The following SLC34A1 variants were observed in gnomAD, a reference collection of about 807,000 sequenced individuals.
SLC34A1 encodes sodium-dependent phosphate transport protein 2A.
SLC34A1 carries 57 observed loss-of-function variants against 51.4 expected under a neutral mutation model. The ratio of observed to expected loss-of-function variants is 1.11; its 90% CI spans 0.90 to 1.38. The LOEUF is 1.38. Among genes scored for constraint, SLC34A1 ranks in the 40% most tolerant of loss-of-function variants. The pLI, the probability that SLC34A1 is intolerant of heterozygous loss-of-function variation, is 0.00. For synonymous variants in SLC34A1, 368 were observed against 358.0 expected (o/e 1.03, Z -0.32); for missense variants, 796 against 835.6 (o/e 0.95, Z 0.58).
At chr5:177,395,245 G>A (rs1431419260) in intron 10 of SLC34A1, among the ~76,000 whole-genome samples, 3 of 152,218 alleles carry the variant, frequency 2.0e-5, no homozygotes, top group African/African-American at 7.2e-5. Flanking sequence ...AATTCAGAGA[G>A]AGGTACCTGC....
intron 5 of SLC34A1, 115 bp from the exon 6 acceptor site, chr5:177,387,647 C>A: frequency 1.2e-6 from 1 of 866,254 alleles, no homozygotes; most frequent in Non-Finnish European, 1.9e-6. Flanking sequence ...GACTCAGCAG[C>A]ATGGCAGGAG....
intron 8 of SLC34A1, chr5:177,390,411 C>G: frequency 1.0e-6 from 1 of 983,006 alleles, no homozygotes; most frequent in Non-Finnish European, 1.2e-6. Context: ...GGGATTATCA[C>G]GTCCCCATTT....
chr5:177,388,198 AGGGCCTGGCATG>A lies in SLC34A1; in HGVS notation c.840+13_840+24del. The stretch of plus-strand genomic sequence containing the variant: ...CGAAGCTCATCATCCAGGTGACAGC[AGGGCCTGGCATG>A]GGGTGAGGGTGGGGGTAACAAGGGA... On this transcript the variant is annotated intron_variant, in intron 7 of 12. Coordinates refer to ENST00000324417, the MANE Select transcript of SLC34A1 (RefSeq NM_003052.5). The surrounding 1 kb of genome is among the most constrained non-coding windows in gnomAD (Gnocchi z 4.3). 1 of 1,614,096 alleles carries A rather than the reference AGGGCCTGGCATG, an allele frequency of 6.2e-7. No homozygotes were observed. The highest frequency in any genetic ancestry group is 8.5e-7 in the Non-Finnish European group (1 of 1,179,992).
intron 1 of SLC34A1, 135 bp from the exon 2 acceptor site, chr5:177,385,560 C>T (rs1762531604): frequency 6.1e-6 from 4 of 657,342 alleles, no homozygotes; most frequent in East Asian, 2.7e-5. Flanking sequence ...GTGTGAGTCT[C>T]GGAGGGGTGT....
At position 177,398,354 on chromosome 5, in the gene SLC34A1, T is replaced by C; in HGVS notation, c.*68T>C. ...GTGGAAAGGCAGGGGAGGGAGGGTGTGTGTAGGTATGTGCATGTGCCTGTG... is the reference window on the plus strand; with the variant it reads ...GTGGAAAGGCAGGGGAGGGAGGGTGCGTGTAGGTATGTGCATGTGCCTGTG... On this transcript the variant is annotated 3_prime_UTR_variant, in exon 13 of 13. Coordinates refer to ENST00000324417, the MANE Select transcript of SLC34A1 (RefSeq NM_003052.5). This position sits in a 1 kb window ranked among gnomAD's most constrained non-coding sequence, Gnocchi z 4.7. The C allele has an allele frequency of 5.1e-6, 8 of 1,565,988 alleles. No homozygotes were observed. Among genetic ancestry groups the C allele is most frequent in the Non-Finnish European group, 6.9e-6 (8 of 1,151,822 alleles).
chr5:177,388,126 T>A lies in SLC34A1; in HGVS notation c.777T>A (p.Gly259=). 2.5e-6 allele frequency: 4 copies of A among 1,614,150 alleles called. No homozygotes were observed. The highest frequency in any genetic ancestry group is 8.5e-7 in the Non-Finnish European group (1 of 1,180,014). ...RLVVASFNIH[G]GRDAPDLLKI... is the part of the protein sequence containing the mutation. ...TGGTGGCCTCCTTCAACATCCATGG[T>A]GGCCGTGATGCTCCTGACCTGCTCA... The change falls in exon 7 of 13, where the codon GGT becomes GGA. Residue 259 remains glycine, a synonymous_variant. Coordinates refer to ENST00000324417, the MANE Select transcript of SLC34A1 (RefSeq NM_003052.5). This position sits in a 1 kb window ranked among gnomAD's most constrained non-coding sequence, Gnocchi z 4.3.
chr5:177,391,172 TA>T (rs1399745994), intron 8 of SLC34A1, among the ~76,000 whole-genome samples: 19 of 152,292 alleles, frequency 1.2e-4, no homozygotes, highest in African/African-American at 4.6e-4. Context: ...CCAGCTCTTT[TA>T]TCTAAGCTGG....
In SLC34A1 at chr5:177,386,329, C is replaced by A; in HGVS notation, c.368C>A (p.Ser123Ter). 6.2e-7 allele frequency: 1 copy of A among 1,614,264 alleles called. No individual in the cohort carries two copies. Among genetic ancestry groups the A allele is most frequent in the Non-Finnish European group, 8.5e-7 (1 of 1,180,048 alleles). Residue 123 changes from serine (S) to a stop codon, truncating the protein, a stop_gained, in exon 4 of 13, where the codon TCG becomes TAG. Transcript: ENST00000324417. LOFTEE classifies it high-confidence loss of function. The surrounding 1 kb of genome is among the most constrained non-coding windows in gnomAD (Gnocchi z 4.8). ...GTCTGCTCCCTGGACATGCTCAGCTCGGCCTTCCAGCTGGCTGGAGGTAGG... is the reference window on the plus strand; with the variant it reads ...GTCTGCTCCCTGGACATGCTCAGCTAGGCCTTCCAGCTGGCTGGAGGTAGG... ...LFVCSLDMLSSAFQLAGGKVA... is the reference protein window; with the variant it reads ...LFVCSLDMLS
intron 8 of SLC34A1, among the ~76,000 whole-genome samples, chr5:177,392,402 G>T (rs1041512375): frequency 1.3e-5 from 2 of 152,180 alleles, no homozygotes; most frequent in Non-Finnish European, 2.9e-5. Context: ...GGCGGAGGTT[G>T]CAGTGAGCCG....
chr5:177,386,234 C>T lies in SLC34A1; in HGVS notation c.273C>T (p.Val91=). ...EEEQKPESRL[V]PKLRQAGAML... Reference sequence around the variant, plus strand: ...TCCCCCATCCAGAGTCCAGGCTGGTCCCCAAGCTGCGCCAGGCTGGCGCCA... The same window carrying T: ...TCCCCCATCCAGAGTCCAGGCTGGTTCCCAAGCTGCGCCAGGCTGGCGCCA... The change falls in exon 4 of 13, where the codon GTC becomes GTT. Residue 91 remains valine, a synonymous_variant. Transcript: ENST00000324417. This position sits in a 1 kb window ranked among gnomAD's most constrained non-coding sequence, Gnocchi z 4.8. The T allele has an allele frequency of 6.5e-7, 1 of 1,544,066 alleles. No individual in the cohort carries two copies. Among genetic ancestry groups the T allele is most frequent in the Non-Finnish European group, 8.9e-7 (1 of 1,119,860 alleles).
intron 8 of SLC34A1, 142 bp from the exon 9 acceptor site, chr5:177,393,552 C>A: frequency 1.3e-6 from 1 of 775,422 alleles, no homozygotes; most frequent in Non-Finnish European, 2.3e-6. Flanking sequence ...AAGAGACAGG[C>A]TCAGAGAGGG....
In SLC34A1 at chr5:177,391,984, G is replaced by C. The variant is rs145482464; in HGVS notation, c.937-1710G>C. Among the ~76,000 whole-genome samples the C allele has an allele frequency of 8.3e-4, 126 of 152,304 alleles. 2 individuals carry two copies. In the East Asian group the frequency reaches 0.011, roughly 14 times the overall value. The stretch of plus-strand genomic sequence containing the variant: ...GCAGTTACCGTTGCTTTCCCAGCCT[G>C]GTTTTCTCATCTAGCCCATCGCAGC... On this transcript the variant is annotated intron_variant, in intron 8 of 12. Transcript: ENST00000324417.
chr5:177,396,559 G>A lies in SLC34A1; in HGVS notation c.1175-174G>A, dbSNP rs1386371796. Among the ~76,000 whole-genome samples the A allele has an allele frequency of 3.5e-5, 4 of 114,774 alleles. No individual in the cohort carries two copies. The highest frequency in any genetic ancestry group is 2.5e-4 in the East Asian group (1 of 3,980). The allele number at this position is 114,774 out of a possible 152,430, so 75.3% of individuals were successfully genotyped here. A position where few individuals can be genotyped will look rare whatever the true frequency, so the allele number is the denominator to read the frequency against. ...GGAGGTCCGCTCTCCCAGTGCCCCC[G>A]CGGAGGTCCTCTCTCCCAGTGCCCC... is the stretch of plus-strand genomic sequence containing the variant. On this transcript the variant is annotated intron_variant, in intron 10 of 12. Coordinates refer to ENST00000324417, the MANE Select transcript of SLC34A1 (RefSeq NM_003052.5). The surrounding 1 kb of genome is among the most constrained non-coding windows in gnomAD (Gnocchi z 4.0).
At chr5:177,390,682 G>A (rs1762771532) in intron 8 of SLC34A1, among the ~76,000 whole-genome samples, 1 of 151,794 alleles carries the variant, frequency 6.6e-6, no homozygotes, top group African/African-American at 2.4e-5. Context: ...GCCACCAGGT[G>A]GTGCTGCTGG....
At position 177,388,146 on chromosome 5, in the gene SLC34A1, T is replaced by C; in HGVS notation, c.797T>C (p.Leu266Pro). The part of the protein sequence containing the change: ...NIHGGRDAPD[L>P]LKIITEPFTK... The stretch of plus-strand genomic sequence containing the variant: ...CATGGTGGCCGTGATGCTCCTGACC[T>C]GCTCAAGATCATCACAGAGCCCTTC... The change falls in exon 7 of 13, where the codon CTG becomes CCG. Residue 266 changes from leucine (L) to proline (P), a missense_variant. Coordinates refer to ENST00000324417, the MANE Select transcript of SLC34A1 (RefSeq NM_003052.5). The surrounding 1 kb of genome is among the most constrained non-coding windows in gnomAD (Gnocchi z 4.3). 1 of 1,614,104 alleles carries C rather than the reference T, an allele frequency of 6.2e-7. No homozygotes were observed.
rs771178295 is a variant in SLC34A1 at position 177,386,431 on chromosome 5, G to A, written c.397G>A (p.Ala133Thr). ...TGGCTCATGCTCCCCAGGGAAGGTG[G>A]CTGGTGACATCTTCAAGGATAACGC... is the stretch of plus-strand genomic sequence containing the variant. ...SAFQLAGGKV[A>T]GDIFKDNAIL... The change falls in exon 5 of 13, where the codon GCT becomes ACT. Residue 133 changes from alanine to threonine, a missense_variant. Coordinates refer to ENST00000324417, the MANE Select transcript of SLC34A1 (RefSeq NM_003052.5). The surrounding 1 kb of genome is among the most constrained non-coding windows in gnomAD (Gnocchi z 4.8). 43 of 1,614,094 alleles carry A rather than the reference G, an allele frequency of 2.7e-5. No individual in the cohort carries two copies. Among genetic ancestry groups the A allele is most frequent in the Non-Finnish European group, 3.6e-5 (42 of 1,180,044 alleles).
intron 8 of SLC34A1, chr5:177,390,521 G>A (rs560967858): frequency 3.6e-5 from 11 of 304,974 alleles, no homozygotes; most frequent in African/African-American, 1.8e-4. Context: ...TGACTATCTC[G>A]TTGCCTCTCT....
rs537939219 is a variant in SLC34A1, at chr5:177,387,401, A to G, written c.533-361A>G. On this transcript the variant is annotated intron_variant, in intron 5 of 12. Transcript: ENST00000324417. ...CAGAGCGAGACTCTGTCTCAAAACA[A>G]ACAAACAAAAAAACTAACCATCACA... Among the ~76,000 whole-genome samples, 5 of 152,204 alleles carry G rather than the reference A, an allele frequency of 3.3e-5. 1 individual carries two copies. The highest frequency in any genetic ancestry group is 1.2e-4 in the African/African-American group (5 of 41,498).
chr5:177,394,688 C>CTTTTTTTTT (rs34736156), intron 10 of SLC34A1, among the ~76,000 whole-genome samples: 1 of 105,098 alleles, frequency 9.5e-6, no homozygotes, highest in African/African-American at 4.0e-5. Flanking sequence ...GAGACTTTGT[C>CTTTTTTTTT]TTTTTTTTTT....
Sources: gnomAD v4.1 joint callset for allele counts (sites outside exome capture counted in the v4.1 genomes callset) on GRCh38, gnomAD v4.1.1 for gene constraint, Gnocchi (gnomAD v3.1) non-coding constraint, MANE v1.5 for transcripts, NCBI Gene and HGNC (gene_info 2026-07-23, HGNC 2026-07-21) for gene names.